The following RAP1GAP2 variants were observed in gnomAD, a reference collection of about 807,000 sequenced individuals.
RAP1GAP2 encodes the protein RAP1 GTPase activating protein 2.
Under a neutral mutation model 95.0 loss-of-function variants are expected in RAP1GAP2, and 27 were observed. The ratio of observed to expected loss-of-function variants is 0.28; its 90% CI spans 0.21 to 0.39. RAP1GAP2 has a LOEUF of 0.39. RAP1GAP2 is among the 10% of genes least tolerant of loss of function. RAP1GAP2 has a pLI of 1.00. For synonymous variants in RAP1GAP2, 373 were observed against 380.9 expected (o/e 0.98, Z 0.24); for missense variants, 771 against 970.0 (o/e 0.79, Z 2.72).
chr17:2,887,444 G>A (rs1421004384), intron 2 of RAP1GAP2, among the ~76,000 whole-genome samples: 1 of 150,932 alleles, frequency 6.6e-6, no homozygotes, highest in Non-Finnish European at 1.5e-5. Flanking sequence ...GCGTGATCTC[G>A]GCTCACTACA....
chr17:2,913,060 C>T (rs35852787), intron 3 of RAP1GAP2, among the ~76,000 whole-genome samples: 1 of 152,196 alleles, frequency 6.6e-6, no homozygotes, highest in Non-Finnish European at 1.5e-5. Context: ...TGCCTATAGT[C>T]CCAGCTACTC....
chr17:2,976,792 A>G (rs914839575), intron 8 of RAP1GAP2, among the ~76,000 whole-genome samples: 6 of 152,174 alleles, frequency 3.9e-5, no homozygotes. Context: ...TCAAAAGACT[A>G]GTAAGATCGA....
chr17:2,814,911 C>G (rs1308222950), intron 2 of RAP1GAP2, among the ~76,000 whole-genome samples: 2 of 152,086 alleles, frequency 1.3e-5, no homozygotes, highest in Admixed American at 6.5e-5. Context: ...GCAGACGCCC[C>G]GTGGAATTGA....
At position 2,857,337 on chromosome 17, in the gene RAP1GAP2, G is replaced by A. The variant is rs1397085267; in HGVS notation, c.81-47947G>A. Among the ~76,000 whole-genome samples the A allele has an allele frequency of 6.6e-6, 1 of 152,184 alleles. No individual in the cohort carries two copies. The highest frequency in any genetic ancestry group is 1.5e-5 in the Non-Finnish European group (1 of 68,034). On this transcript the variant is annotated intron_variant, in intron 2 of 24. Transcript: ENST00000254695. This position sits in a 1 kb window ranked among gnomAD's most constrained non-coding sequence, Gnocchi z 4.0. ...GCCACTTGGAAATATTGCGTATTAG[G>A]GGACAGGGAGGTGTGCCAGCCAGGG... is the stretch of plus-strand genomic sequence containing the variant.
At chr17:2,894,434 A>C (rs1261766643) in intron 2 of RAP1GAP2, among the ~76,000 whole-genome samples, 1 of 152,086 alleles carries the variant, frequency 6.6e-6, no homozygotes, top group African/African-American at 2.4e-5. Flanking sequence ...CGTTTCAAAA[A>C]CAAACAAAAA....
chr17:2,949,224 C>G (rs2043823398), intron 3 of RAP1GAP2, among the ~76,000 whole-genome samples: 1 of 152,190 alleles, frequency 6.6e-6, no homozygotes, highest in Non-Finnish European at 1.5e-5. Flanking sequence ...ATTTGGGTGG[C>G]AAGAGCTGCT....
chr17:2,962,498 T>C, intron 4 of RAP1GAP2, 172 bp from the exon 5 acceptor site: 1 of 642,218 alleles, frequency 1.6e-6, no homozygotes, highest in Non-Finnish European at 2.6e-6. Context: ...TTGCCTCACC[T>C]GAGGCTGCTG....
intron 2 of RAP1GAP2, among the ~76,000 whole-genome samples, chr17:2,820,346 C>T (rs936518696): frequency 1.1e-4 from 17 of 152,148 alleles, no homozygotes; most frequent in African/African-American, 2.4e-4. Context: ...TTAGGCTGGG[C>T]GCGGTGGCTC....
intron 2 of RAP1GAP2, among the ~76,000 whole-genome samples, chr17:2,889,889 A>T (rs57798524): frequency 0.022 from 1,248 of 57,124 alleles, 29 homozygotes; most frequent in African/African-American, 0.048. Flanking sequence ...ATATATATAT[A>T]TTTTTTTTTT....
chr17:3,032,493 G>A (rs2047356955), intron 24 of RAP1GAP2, 44 bp downstream of exon 24: 3 of 1,579,794 alleles, frequency 1.9e-6, no homozygotes, highest in Non-Finnish European at 1.7e-6. Flanking sequence ...GGGGGGACGT[G>A]TGTTTCTTTT....
chr17:2,995,298 T>A (rs1016807125), intron 12 of RAP1GAP2, 39 bp from the exon 13 acceptor site: 1 of 1,604,288 alleles, frequency 6.2e-7, no homozygotes, highest in Non-Finnish European at 8.5e-7. Context: ...TTTGCCTCAC[T>A]CTCTTTTCTC....
intron 2 of RAP1GAP2, among the ~76,000 whole-genome samples, chr17:2,879,712 C>G (rs1320805573): frequency 1.4e-5 from 2 of 141,018 alleles, no homozygotes; most frequent in Non-Finnish European, 3.1e-5. Context: ...GGCGACAGGG[C>G]GAGACTCCAT....
At position 2,837,886 on chromosome 17, in the gene RAP1GAP2, G is replaced by T. The variant is rs140881772; in HGVS notation, c.80+37336G>T. Among the ~76,000 whole-genome samples, 6 of 151,950 alleles carry T rather than the reference G, an allele frequency of 3.9e-5. No homozygotes were observed. In the East Asian group the frequency reaches 9.7e-4, roughly 25 times the overall value. ...CTCCCAAAGTGCTGGGATTACAGGG[G>T]TGAGCCACCGCACCCGGTCTCAGCC... On this transcript the variant is annotated intron_variant, in intron 2 of 24. Transcript: ENST00000254695.
In RAP1GAP2 at chr17:3,004,055, C is replaced by T. The variant is rs2151601792; in HGVS notation, c.1201-1314C>T. On this transcript the variant is annotated intron_variant, in intron 14 of 24. Transcript: ENST00000254695. This position sits in a 1 kb window ranked among gnomAD's most constrained non-coding sequence, Gnocchi z 4.1. ...CAGAGCTGGGGCTGCCCTCTGGCCT[C>T]TGTCCCAGGTGCCCACGGTCTGCAG... 6.6e-6 allele frequency among the ~76,000 whole-genome samples: 1 copy of T among 152,316 alleles called. No individual in the cohort carries two copies. The highest frequency in any genetic ancestry group is 6.5e-5 in the Admixed American group (1 of 15,306).
In RAP1GAP2 at chr17:2,963,601, T is replaced by A; in HGVS notation, c.279+139T>A. 1 of 1,186,288 alleles carries A rather than the reference T, an allele frequency of 8.4e-7. No individual in the cohort carries two copies. The highest frequency in any genetic ancestry group is 1.2e-6 in the Non-Finnish European group (1 of 813,568). The allele number at this position is 1,186,288 out of a possible 1,614,324, so 73.5% of individuals were successfully genotyped here. A position where few individuals can be genotyped will look rare whatever the true frequency, so the allele number is the denominator to read the frequency against. On this transcript the variant is annotated intron_variant, in intron 6 of 24. Transcript: ENST00000254695. The surrounding 1 kb of genome is among the most constrained non-coding windows in gnomAD (Gnocchi z 4.8). ...TGGGACCTCTCTTCCTGTCTTTGCC[T>A]TTGTAACCTCAGCTTCTCCATGTGT...
chr17:2,909,715 T>A (rs1171480220), intron 3 of RAP1GAP2, among the ~76,000 whole-genome samples: 2 of 152,110 alleles, frequency 1.3e-5, no homozygotes, highest in African/African-American at 2.4e-5. Flanking sequence ...CCGTGTTCTG[T>A]CCTTCTCCCC....
intron 1 of RAP1GAP2, among the ~76,000 whole-genome samples, chr17:2,765,704 C>T (rs931086536): frequency 1.3e-5 from 2 of 151,384 alleles, no homozygotes; most frequent in African/African-American, 2.4e-5. Context: ...GATCGCGCCA[C>T]TGCACCCCAG....
In RAP1GAP2 at chr17:2,904,545, T is replaced by TGTGTGTGTGTGTGTGTG. The variant is rs1280283160; in HGVS notation, c.81-738_81-722dup. 6.6e-6 allele frequency among the ~76,000 whole-genome samples: 1 copy of TGTGTGTGTGTGTGTGTG among 150,850 alleles called. No homozygotes were observed. The highest frequency in any genetic ancestry group is 1.5e-5 in the Non-Finnish European group (1 of 67,450). ...TGACCAGGGCCTGTGTGTGTGTGTGTGTGTGTGTGTGTGTGTGTGTGTGTA... is the reference window on the plus strand; with the variant it reads ...TGACCAGGGCCTGTGTGTGTGTGTGTGTGTGTGTGTGTGTGTGGTGTGTGTGTGTGTGTGTGTGTGTA... On this transcript the variant is annotated intron_variant, in intron 2 of 24. Coordinates refer to ENST00000254695, the MANE Select transcript of RAP1GAP2 (RefSeq NM_015085.5). The surrounding 1 kb of genome is among the most constrained non-coding windows in gnomAD (Gnocchi z 4.7).
intron 2 of RAP1GAP2, among the ~76,000 whole-genome samples, chr17:2,868,836 A>G (rs2072726401): frequency 1.3e-5 from 2 of 152,144 alleles, no homozygotes; most frequent in Admixed American, 1.3e-4. Flanking sequence ...ATAGTGTTTA[A>G]TTCCACTTTG....
Sources: allele counts gnomAD v4.1 joint callset (sites outside exome capture counted in the v4.1 genomes callset), GRCh38; gene constraint gnomAD v4.1.1; non-coding constraint Gnocchi (gnomAD v3.1); transcripts MANE v1.5; gene names NCBI Gene and HGNC (gene_info 2026-07-23, HGNC 2026-07-21).